Variants in ARB2A observed in about 807,000 individuals in gnomAD.
ARB2A encodes the protein cotranscriptional regulator ARB2A.
At chr5:93,947,535 C>CT in the ARB2A span, among the ~76,000 whole-genome samples, 2 of 146,236 alleles carry the variant, frequency 1.4e-5, no homozygotes, top group Non-Finnish European at 3.0e-5. Context: ...TATTATTATA[C>CT]TTTAAGTTTT....
the ARB2A span, among the ~76,000 whole-genome samples, chr5:93,886,656 A>C: frequency 6.6e-6 from 1 of 151,640 alleles, no homozygotes; most frequent in African/African-American, 2.4e-5. Context: ...TCACTAGTGA[A>C]GCGTTAAAGT....
the ARB2A span, among the ~76,000 whole-genome samples, chr5:94,058,740 T>C: frequency 1.3e-5 from 2 of 152,168 alleles, no homozygotes; most frequent in South Asian, 2.1e-4. Flanking sequence ...ACATTTTAAG[T>C]GTGTTCCAAG....
At chr5:94,069,003 C>T in the ARB2A span, among the ~76,000 whole-genome samples, 4 of 151,126 alleles carry the variant, frequency 2.6e-5, no homozygotes, top group South Asian at 8.4e-4. Context: ...CCATTGCACT[C>T]CAGCCTCGGC....
chr5:93,772,492 T>A, the ARB2A span, among the ~76,000 whole-genome samples: 1 of 152,070 alleles, frequency 6.6e-6, no homozygotes, highest in Non-Finnish European at 1.5e-5. Flanking sequence ...AAAAAGAAGT[T>A]TAAGCCTGTT....
the ARB2A span, chr5:93,824,059 C>G: frequency 9.0e-7 from 1 of 1,109,496 alleles, no homozygotes. Flanking sequence ...TATAACATAA[C>G]TTAAAGAGTA....
chr5:93,825,344 CA>C, the ARB2A span, among the ~76,000 whole-genome samples: 1 of 152,124 alleles, frequency 6.6e-6, no homozygotes, highest in Non-Finnish European at 1.5e-5. Context: ...TGCAGATGGT[CA>C]GCTGCTATGA....
the ARB2A span, among the ~76,000 whole-genome samples, chr5:93,820,511 T>C: frequency 6.6e-6 from 1 of 152,228 alleles, no homozygotes; most frequent in Non-Finnish European, 1.5e-5. Context: ...TTTTTAAAAC[T>C]AGTATAAGGC....
the ARB2A span, chr5:93,740,752 T>A: frequency 2.7e-5 from 44 of 1,612,520 alleles, no homozygotes; most frequent in Non-Finnish European, 3.7e-5. Flanking sequence ...TGGGGAAGCA[T>A]CATTGGTTGG....
chr5:94,016,243 CAT>C, the ARB2A span, among the ~76,000 whole-genome samples: 1 of 152,204 alleles, frequency 6.6e-6, no homozygotes, highest in Non-Finnish European at 1.5e-5. Flanking sequence ...GATACACACA[CAT>C]ACACACACAC....
the ARB2A span, among the ~76,000 whole-genome samples, chr5:93,967,187 C>T: frequency 6.6e-6 from 1 of 151,988 alleles, no homozygotes; most frequent in Non-Finnish European, 1.5e-5. Context: ...TTCCAAATGT[C>T]ATCTGTGTTC....
At chr5:93,937,260 T>G in the ARB2A span, among the ~76,000 whole-genome samples, 80 of 151,546 alleles carry the variant, frequency 5.3e-4, no homozygotes, top group African/African-American at 1.8e-3. Flanking sequence ...CGTGTATGTG[T>G]GTCTGTGTCT....
At chr5:93,621,633 C>T in the ARB2A span, among the ~76,000 whole-genome samples, 1 of 152,318 alleles carries the variant, frequency 6.6e-6, no homozygotes, top group South Asian at 2.1e-4. Flanking sequence ...GATCGCACAG[C>T]GCCTGTTTCC....
At chr5:93,651,589 G>A in the ARB2A span, among the ~76,000 whole-genome samples, 1 of 152,080 alleles carries the variant, frequency 6.6e-6, no homozygotes, top group African/African-American at 2.4e-5. Flanking sequence ...GAAAGGAAAT[G>A]ACACAAGATA....
chr5:93,993,342 G>T, the ARB2A span, among the ~76,000 whole-genome samples: 1 of 151,986 alleles, frequency 6.6e-6, no homozygotes, highest in East Asian at 1.9e-4. Flanking sequence ...CTAACTATAT[G>T]CAATCCCATA....
the ARB2A span, among the ~76,000 whole-genome samples, chr5:93,790,970 A>G: frequency 1.3e-5 from 2 of 152,210 alleles, no homozygotes; most frequent in Non-Finnish European, 2.9e-5. Context: ...TAAGAAATCA[A>G]TAATGTCAGC....
At chr5:94,080,936 CA>C in the ARB2A span, among the ~76,000 whole-genome samples, 5 of 151,082 alleles carry the variant, frequency 3.3e-5, no homozygotes, top group African/African-American at 1.2e-4. Context: ...GAATATTAAG[CA>C]AAAAAAATTG....
chr5:93,626,378 C>G, the ARB2A span, among the ~76,000 whole-genome samples: 1 of 152,144 alleles, frequency 6.6e-6, no homozygotes, highest in Non-Finnish European at 1.5e-5. Context: ...TGTAGAGTAA[C>G]TTATCACCAA....
chr5:93,664,958 C>T, the ARB2A span, among the ~76,000 whole-genome samples: 5 of 152,092 alleles, frequency 3.3e-5, no homozygotes, highest in African/African-American at 1.2e-4. Flanking sequence ...TCCCAGGTAG[C>T]TGGGACTACA....
chr5:93,620,455 G>A, the ARB2A span: 2 of 150,962 alleles, frequency 1.3e-5, no homozygotes, highest in Non-Finnish European at 2.9e-5. Flanking sequence ...CGGCTTTGGA[G>A]TGTGTGTGGA....
Sources: allele counts gnomAD v4.1 joint callset (sites outside exome capture counted in the v4.1 genomes callset), GRCh38; gene constraint gnomAD v4.1.1; transcripts MANE v1.5; gene names NCBI Gene and HGNC (gene_info 2026-07-23, HGNC 2026-07-21).